PDSS1: variants seen among roughly 807,000 people sequenced by gnomAD.
PDSS1 encodes all trans-polyprenyl-diphosphate synthase PDSS1.
Under a neutral mutation model 57.5 loss-of-function variants are expected in PDSS1, and 43 were observed. That is an observed-to-expected ratio of 0.75 (90% CI 0.59 to 0.96). The LOEUF (loss-of-function observed/expected upper bound fraction) is 0.96. Among genes scored for constraint, PDSS1 ranks in the 50% least tolerant of loss-of-function variants. The probability of loss-of-function intolerance (pLI) is 0.00; values close to 1 mark genes in which losing one functional copy is unlikely to be tolerated. For synonymous variants in PDSS1, 175 were observed against 191.3 expected (o/e 0.91, Z 0.70); for missense variants, 438 against 527.8 (o/e 0.83, Z 1.67).
At chr10:26,709,595 C>A (rs760930735) in intron 4 of PDSS1, 43 bp from the exon 5 acceptor site, 90 of 1,601,360 alleles carry the variant, frequency 5.6e-5, no homozygotes, top group Non-Finnish European at 7.4e-5. Flanking sequence ...GCTTTCTGTG[C>A]AGTTTTTTGA....
intron 6 of PDSS1, among the ~76,000 whole-genome samples, chr10:26,721,451 T>C (rs80116008): frequency 2.9e-3 from 254 of 87,840 alleles, no homozygotes; most frequent in African/African-American, 7.5e-3. Context: ...CACACACACA[T>C]ACATATATAT....
intron 5 of PDSS1, among the ~76,000 whole-genome samples, chr10:26,716,104 G>A (rs1048338696): frequency 3.9e-5 from 6 of 152,128 alleles, no homozygotes; most frequent in African/African-American, 1.4e-4. Context: ...TGAGCCTTAC[G>A]TGTTTCTTTA....
At chr10:26,745,359 T>C (rs1290411345) in intron 11 of PDSS1, among the ~76,000 whole-genome samples, 1 of 152,100 alleles carries the variant, frequency 6.6e-6, no homozygotes, top group African/African-American at 2.4e-5. Context: ...ATATCTATAG[T>C]CTAACAAACA....
At chr10:26,713,431 T>A (rs764680941) in intron 5 of PDSS1, among the ~76,000 whole-genome samples, 25 of 152,200 alleles carry the variant, frequency 1.6e-4, no homozygotes, top group Non-Finnish European at 3.4e-4. Context: ...ATATTTTCCT[T>A]TATTAAGCTT....
At chr10:26,730,771 G>C (rs1199595746) in intron 8 of PDSS1, among the ~76,000 whole-genome samples, 1 of 152,106 alleles carries the variant, frequency 6.6e-6, no homozygotes, top group African/African-American at 2.4e-5. Flanking sequence ...GTTTCGTTTA[G>C]CACAAACAGG....
At chr10:26,710,101 C>T in intron 5 of PDSS1, among the ~76,000 whole-genome samples, 1 of 146,524 alleles carries the variant, frequency 6.8e-6, no homozygotes, top group East Asian at 2.0e-4. Flanking sequence ...TTGCAGTGAG[C>T]TGAGATCACG....
chr10:26,703,910 T>TGC (rs1359497363), intron 2 of PDSS1, among the ~76,000 whole-genome samples: 7 of 151,496 alleles, frequency 4.6e-5, no homozygotes, highest in Non-Finnish European at 8.8e-5. Context: ...TGAAACCCCA[T>TGC]CTCTACTAAA....
At chr10:26,715,276 A>C (rs1467817996) in intron 5 of PDSS1, 1 of 152,224 alleles carries the variant, frequency 6.6e-6, no homozygotes, top group Non-Finnish European at 1.5e-5. Context: ...CATGAGTGCA[A>C]GGTCAAGCAT....
At position 26,711,122 on chromosome 10, in the gene PDSS1, T is replaced by C. The variant is rs1333474312; in HGVS notation, c.467+1354T>C. Among the ~76,000 whole-genome samples the C allele has an allele frequency of 2.0e-5, 2 of 97,658 alleles. 1 individual carries two copies. The highest frequency in any genetic ancestry group is 4.8e-5 in the Non-Finnish European group (2 of 42,026). 64.1% of individuals were successfully genotyped at this position (97,658 alleles called of 152,430 possible). A position where few individuals can be genotyped will look rare whatever the true frequency, so the allele number is the denominator to read the frequency against. Reference sequence around the variant, plus strand: ...TTCTGGACGTGTCAAGTCTGAGTTATCTGTTGCATGGACTCAGTCTCAAAA... The same window carrying C: ...TTCTGGACGTGTCAAGTCTGAGTTACCTGTTGCATGGACTCAGTCTCAAAA... On this transcript the variant is annotated intron_variant, in intron 5 of 11. Transcript: ENST00000376215.
At chr10:26,701,934 G>C in intron 1 of PDSS1, 1 of 430,010 alleles carries the variant, frequency 2.3e-6, no homozygotes, top group Non-Finnish European at 4.7e-6. Flanking sequence ...AGCCACCCAA[G>C]TTCTTGGGAG....
chr10:26,709,497 G>A lies in PDSS1; in HGVS notation c.337-141G>A, dbSNP rs1238236891. ...AATCGCATGAACCCGGGAGGCGGAG[G>A]TTACAATGAGCTGAGATCGTTCCAT... On this transcript the variant is annotated intron_variant, in intron 4 of 11. Transcript: ENST00000376215. 6.1e-6 allele frequency: 5 copies of A among 821,190 alleles called. No homozygotes were observed. The African/African-American group carries it at 8.5e-5, about 14-fold the overall frequency. The allele number at this position is 821,190 out of a possible 1,614,324, so 50.9% of individuals were successfully genotyped here. A position where few individuals can be genotyped will look rare whatever the true frequency, so the allele number is the denominator to read the frequency against.
chr10:26,740,823 CA>C (rs1332610033), intron 10 of PDSS1: 1 of 375,606 alleles, frequency 2.7e-6, no homozygotes, highest in Non-Finnish European at 5.4e-6. Flanking sequence ...AGCTGGTAGC[CA>C]AACCAAGACT....
intron 8 of PDSS1, among the ~76,000 whole-genome samples, chr10:26,724,713 G>C (rs777972664): frequency 2.0e-5 from 3 of 152,046 alleles, no homozygotes; most frequent in Non-Finnish European, 4.4e-5. Context: ...TAGTAGCTGG[G>C]ACCACAGGTG....
At chr10:26,702,619 CTCTT>C (rs1299072233) in intron 2 of PDSS1, among the ~76,000 whole-genome samples, 1 of 152,150 alleles carries the variant, frequency 6.6e-6, no homozygotes, top group African/African-American at 2.4e-5. Flanking sequence ...TCAGTTACAC[CTCTT>C]TCTTTTATAA....
intron 8 of PDSS1, among the ~76,000 whole-genome samples, chr10:26,728,911 T>C (rs1394218392): frequency 2.0e-5 from 3 of 151,280 alleles, no homozygotes; most frequent in Non-Finnish European, 4.4e-5. Context: ...CCTGAGTAGC[T>C]GGGATTACAT....
At chr10:26,731,730 A>C (rs543840053) in intron 8 of PDSS1, among the ~76,000 whole-genome samples, 1 of 152,322 alleles carries the variant, frequency 6.6e-6, no homozygotes, top group South Asian at 2.1e-4. Context: ...ATTGCAGTGG[A>C]GTTTTAATTT....
intron 1 of PDSS1, chr10:26,701,753 C>T: frequency 2.2e-6 from 1 of 452,410 alleles, no homozygotes; most frequent in Admixed American, 2.4e-5. Flanking sequence ...CACGGAGTCC[C>T]TGCTGGGGCA....
intron 11 of PDSS1, among the ~76,000 whole-genome samples, chr10:26,744,721 TG>T (rs1836756849): frequency 6.6e-6 from 1 of 152,272 alleles, no homozygotes; most frequent in Non-Finnish European, 1.5e-5. Context: ...TATTTGCAGA[TG>T]TACTTCAGGA....
intron 8 of PDSS1, among the ~76,000 whole-genome samples, chr10:26,729,023 G>A (rs552686810): frequency 2.6e-5 from 4 of 151,732 alleles, no homozygotes; most frequent in East Asian, 1.9e-4. Context: ...TCAAGTGATC[G>A]CCCACCTCGG....
Sources: allele counts gnomAD v4.1 joint callset (sites outside exome capture counted in the v4.1 genomes callset), GRCh38; gene constraint gnomAD v4.1.1; transcripts MANE v1.5; gene names NCBI Gene and HGNC (gene_info 2026-07-23, HGNC 2026-07-21).